PHYKPL: variants seen among roughly 807,000 people sequenced by gnomAD.
The protein encoded by PHYKPL is 5-phosphohydroxy-L-lysine phospho-lyase.
In PHYKPL, 42 loss-of-function variants were observed where a neutral mutation model predicts 51.3. The ratio of observed to expected loss-of-function variants is 0.82; its 90% confidence interval spans 0.64 to 1.06. The LOEUF (loss-of-function observed/expected upper bound fraction) is 1.06. Among genes scored for constraint, PHYKPL ranks in the 50% least tolerant of loss-of-function variants. The pLI is 0.00. For synonymous variants in PHYKPL, 264 were observed against 236.0 expected, an observed-to-expected ratio of 1.12 and a Z score of -1.09; for missense variants, 655 against 586.6, an observed-to-expected ratio of 1.12 and a Z score of -1.20.
intron 10 of PHYKPL, among the ~76,000 whole-genome samples, chr5:178,213,460 T>G (rs1489232309): frequency 6.7e-6 from 1 of 149,878 alleles, no homozygotes; most frequent in Non-Finnish European, 1.5e-5. Flanking sequence ...TATTGTTTCC[T>G]TATATAGAGA....
chr5:178,223,700 G>A (rs928258947), intron 6 of PHYKPL: 7 of 347,714 alleles, frequency 2.0e-5, no homozygotes, highest in Non-Finnish European at 3.4e-5. Context: ...TTTCTTTGTC[G>A]TACCTCCTGT....
chr5:178,221,098 A>G (rs1432719718), intron 8 of PHYKPL, among the ~76,000 whole-genome samples: 1 of 152,232 alleles, frequency 6.6e-6, no homozygotes, highest in Admixed American at 6.5e-5. Context: ...CCAGGTGCTT[A>G]GAACATTAAT....
chr5:178,231,837 G>T (rs1763510422), intron 1 of PHYKPL: 1 of 1,354,452 alleles, frequency 7.4e-7, no homozygotes, highest in African/African-American at 1.5e-5. Context: ...TGGCTGCCCC[G>T]TCCCATGGGG....
rs1761901913 is a variant in PHYKPL, at chr5:178,224,558, G to A, written c.508C>T (p.Leu170Phe). ...TAGGGGCCCCGGTAGGTGTCTGGGA[G>A]AGGTGCCTGTGGGGAGTGACAGCGC... The part of the protein sequence containing the change: ...GQKEWVHVAP[L>F]PDTYRGPYRE... Residue 170 changes from leucine (L) to phenylalanine (F), a missense_variant, in exon 6 of 13, where the codon CTC (leucine) becomes TTC (phenylalanine). Physicochemically the swap from Leu to Phe is conservative, Grantham distance 22. Coordinates refer to ENST00000308158, the MANE Select transcript of PHYKPL (RefSeq NM_153373.4). 1.2e-6 allele frequency: 2 copies of A among 1,614,250 alleles called. No individual in the cohort carries two copies. The highest frequency in any genetic ancestry group is 1.1e-5 in the South Asian group (1 of 91,088).
chr5:178,210,401 A>AT, intron 12 of PHYKPL: 2 of 1,557,586 alleles, frequency 1.3e-6, no homozygotes, highest in Non-Finnish European at 1.7e-6. Flanking sequence ...GAGCTACTTG[A>AT]TTTTGAGCCT....
chr5:178,226,611 G>A (rs1004016467), intron 3 of PHYKPL: 1 of 152,214 alleles, frequency 6.6e-6, no homozygotes, highest in African/African-American at 2.4e-5. Flanking sequence ...CAGTTATCTG[G>A]AAGCTCTCTG....
rs756549385 is a variant in PHYKPL at position 178,231,628 on chromosome 5, G to A, written c.60-105C>T. 20 of 1,607,232 alleles carry A rather than the reference G, an allele frequency of 1.2e-5. No individual in the cohort carries two copies. In the East Asian group the frequency reaches 3.1e-4, roughly 25 times the overall value. On this transcript the variant is annotated intron_variant, in intron 1 of 12. Transcript: ENST00000308158. ...CCCCTTCCCAGTTTCTGGTGGCGGG[G>A]GGGAAATGAGAGCTGGAAGGGCAAG...
chr5:178,228,459 G>A (rs1451528057), intron 3 of PHYKPL: 3 of 691,586 alleles, frequency 4.3e-6, no homozygotes, highest in Admixed American at 2.1e-5. Context: ...AATAAAGCTG[G>A]TGGCATAAGA....
intron 2 of PHYKPL, 27 bp downstream of exon 2, chr5:178,231,378 C>T: frequency 6.2e-7 from 1 of 1,614,168 alleles, no homozygotes; most frequent in Non-Finnish European, 8.5e-7. Flanking sequence ...CCTCTCCTGC[C>T]CTGCCAGCCT....
chr5:178,224,620 T>G, intron 5 of PHYKPL, 22 bp downstream of exon 5: 1 of 1,614,196 alleles, frequency 6.2e-7, no homozygotes, highest in Non-Finnish European at 8.5e-7. Flanking sequence ...ACCGACCTGT[T>G]GTTGAGTTGG....
intron 8 of PHYKPL, among the ~76,000 whole-genome samples, chr5:178,219,434 CAA>C (rs1760649291): frequency 6.7e-6 from 1 of 149,798 alleles, no homozygotes. Flanking sequence ...GCAAAAGACA[CAA>C]AAGACACAAA....
At position 178,232,558 on chromosome 5, in the gene PHYKPL, G is replaced by C; in HGVS notation, c.-8C>G. On this transcript the variant is annotated 5_prime_UTR_variant, in exon 1 of 13. Transcript: ENST00000308158. ...GCGCTGGTCTGCGGCCATGGTGGGT[G>C]GCCGTCAGTCGGTGCCGTGACGCCA... 7.8e-7 allele frequency: 1 copy of C among 1,284,606 alleles called. No individual in the cohort carries two copies. The highest frequency in any genetic ancestry group is 9.8e-7 in the Non-Finnish European group (1 of 1,019,330). 79.6% of individuals were successfully genotyped at this position (1,284,606 alleles called of 1,614,324 possible). A position where few individuals can be genotyped will look rare whatever the true frequency, so the allele number is the denominator to read the frequency against.
In PHYKPL at chr5:178,232,488, G is replaced by A. The variant is rs1375770669; in HGVS notation, c.59+4C>T. On this transcript the variant is annotated splice_donor_region_variant and intron_variant, in intron 1 of 12. Transcript: ENST00000308158. ...CCCCCGCCGCCCGCCCCCCGCCCGG[G>A]TACCTGATGAGCCGTTGCCTCAGGG... The A allele has an allele frequency of 1.5e-6, 2 of 1,358,808 alleles. No individual in the cohort carries two copies. Among genetic ancestry groups the A allele is most frequent in the African/African-American group, 1.5e-5 (1 of 65,026 alleles). The allele number at this position is 1,358,808 out of a possible 1,614,324, so 84.2% of individuals were successfully genotyped here.
chr5:178,229,834 C>T, intron 3 of PHYKPL, 106 bp downstream of exon 3: 1 of 1,434,506 alleles, frequency 7.0e-7, no homozygotes, highest in Non-Finnish European at 9.5e-7. Context: ...TGGGGGCTGC[C>T]TCTCCGAGTC....
chr5:178,232,437 G>A, intron 1 of PHYKPL, 55 bp downstream of exon 1: 1 of 1,376,154 alleles, frequency 7.3e-7, no homozygotes, highest in Non-Finnish European at 9.3e-7. Context: ...TCGTGCGTGC[G>A]CGTGCCTCTC....
chr5:178,222,895 C>G lies in PHYKPL; in HGVS notation c.658G>C (p.Gly220Arg), dbSNP rs1437953201. 4.2e-5 allele frequency: 68 copies of G among 1,614,166 alleles called. No individual in the cohort carries two copies. The highest frequency in any genetic ancestry group is 5.7e-5 in the Non-Finnish European group (67 of 1,180,032). ...FFAESLPSVGGQIIPPAGYFS... is the reference protein window; with the variant it reads ...FFAESLPSVGRQIIPPAGYFS... ...TAGCCAGCAGGGGGAATGATCTGCC[C>G]TCCCACACTGGGCAGAGACTCAGCG... Residue 220 changes from glycine (G) to arginine (R), a missense_variant, in exon 7 of 13, where the codon GGG becomes CGG. Coordinates refer to ENST00000308158, the MANE Select transcript of PHYKPL (RefSeq NM_153373.4).
At chr5:178,207,172 G>C (rs1356230001), downstream of PHYKPL, 9 of 1,614,168 alleles carry the variant, frequency 5.6e-6, no homozygotes, top group Middle Eastern at 1.6e-4. Context: ...TAAAGAAGAA[G>C]AACCCGTGAA....
In PHYKPL at chr5:178,213,806, T is replaced by C. The variant is rs180804345; in HGVS notation, c.1173-703A>G. On this transcript the variant is annotated intron_variant, in intron 10 of 12. Coordinates refer to ENST00000308158, the MANE Select transcript of PHYKPL (RefSeq NM_153373.4). Reference sequence around the variant, plus strand: ...GTCCCAGTCTTCCTGGCACTGACCATGGCCACGCCAGAAAGAACAGGGCTT... The same window carrying C: ...GTCCCAGTCTTCCTGGCACTGACCACGGCCACGCCAGAAAGAACAGGGCTT... Among the ~76,000 whole-genome samples, 3 of 152,344 alleles carry C rather than the reference T, an allele frequency of 2.0e-5. No homozygotes were observed. The East Asian group carries it at 5.8e-4, about 29-fold the overall frequency.
intron 12 of PHYKPL, 103 bp downstream of exon 12, chr5:178,211,787 A>AAAAAAAAGTCTT: frequency 2.7e-6 from 2 of 728,268 alleles, no homozygotes; most frequent in South Asian, 3.5e-5. Flanking sequence ...CAGTCAGAAC[A>AAAAAAAAGTCTT]AAAAAAAGTC....
Sources: allele counts gnomAD v4.1 joint callset (sites outside exome capture counted in the v4.1 genomes callset), GRCh38; gene constraint gnomAD v4.1.1; transcripts MANE v1.5; gene names NCBI Gene and HGNC (gene_info 2026-07-23, HGNC 2026-07-21).